KALRN: variants seen among roughly 807,000 people sequenced by gnomAD.
KALRN encodes kalirin.
KALRN carries 70 observed loss-of-function variants against 353.7 expected under a neutral mutation model. The ratio of observed to expected loss-of-function variants is 0.20; its 90% CI spans 0.16 to 0.24. KALRN has a LOEUF of 0.24. KALRN is among the 10% of genes least tolerant of loss of function. The pLI is 1.00. For missense variants in KALRN, 2,791 were observed against 3,756.7 expected (o/e 0.74, Z 6.72); for synonymous variants, 1,391 against 1,434.8 (o/e 0.97, Z 0.69).
At chr3:124,228,272 C>G (rs1175676343) in intron 2 of KALRN, among the ~76,000 whole-genome samples, 4 of 152,166 alleles carry the variant, frequency 2.6e-5, no homozygotes, top group Admixed American at 2.0e-4. Flanking sequence ...CACCCAGAAC[C>G]AAAGGGACAT....
chr3:124,691,436 A>G (rs1043065216), intron 51 of KALRN, among the ~76,000 whole-genome samples: 40 of 152,216 alleles, frequency 2.6e-4, no homozygotes, highest in African/African-American at 9.2e-4. Flanking sequence ...CTCAAAATAA[A>G]TAAATAAATT....
At chr3:124,071,000 TTTG>T (rs933838783) in intron 1 of KALRN, among the ~76,000 whole-genome samples, 51 of 152,194 alleles carry the variant, frequency 3.4e-4, no homozygotes, top group Non-Finnish European at 3.2e-4. Context: ...GTCTTTTTTT[TTTG>T]TGTGTGTGCT....
At chr3:124,635,790 G>A (rs1331795953) in intron 36 of KALRN, among the ~76,000 whole-genome samples, 1 of 151,942 alleles carries the variant, frequency 6.6e-6, no homozygotes, top group African/African-American at 2.4e-5. Context: ...TCCTAAAATT[G>A]CATGAATTTT....
intron 14 of KALRN, among the ~76,000 whole-genome samples, chr3:124,417,951 C>A (rs1388546358): frequency 2.0e-5 from 3 of 152,210 alleles, no homozygotes; most frequent in Non-Finnish European, 2.9e-5. Context: ...CATGAAGGAA[C>A]AAATTCTTTC....
chr3:124,455,251 G>A lies in KALRN; in HGVS notation c.3627G>A (p.Thr1209=), dbSNP rs745928814. The change falls in exon 22 of 60, where the codon ACG becomes ACA. Residue 1209 remains threonine, a synonymous_variant. Coordinates refer to ENST00000682506, the MANE Select transcript of KALRN (RefSeq NM_001388419.1). ...SFVEKGHIHA[T]EIRKWVTTVD... ...TGGAAAAAGGCCACATTCATGCCACGGAGATAAGGAAATGGGTGACCACGG... is the reference window on the plus strand; with the variant it reads ...TGGAAAAAGGCCACATTCATGCCACAGAGATAAGGAAATGGGTGACCACGG... The A allele has an allele frequency of 6.2e-6, 10 of 1,614,016 alleles. No individual in the cohort carries two copies. Among genetic ancestry groups the A allele is most frequent in the African/African-American group, 1.3e-5 (1 of 74,896 alleles).
At chr3:124,534,248 A>G (rs1028852528) in intron 33 of KALRN, among the ~76,000 whole-genome samples, 1 of 152,170 alleles carries the variant, frequency 6.6e-6, no homozygotes. Context: ...TAATATATGA[A>G]CTTTAGTTAA....
intron 13 of KALRN, among the ~76,000 whole-genome samples, chr3:124,405,308 TCTGGGGCTGTGGAC>T (rs1231298981): frequency 1.3e-5 from 2 of 152,126 alleles, no homozygotes; most frequent in East Asian, 3.8e-4. Context: ...ATGGGGTGGG[TCTGGGGCTGTGGAC>T]CTGAACTCAA....
chr3:124,270,705 T>C (rs961523277), intron 5 of KALRN, among the ~76,000 whole-genome samples: 11 of 152,230 alleles, frequency 7.2e-5, no homozygotes, highest in African/African-American at 2.4e-4. Flanking sequence ...ACCTCAGAAT[T>C]CCTGCATTGC....
intron 2 of KALRN, 67 bp from the exon 3 acceptor site, chr3:124,234,762 T>A (rs2079554402): frequency 1.6e-6 from 2 of 1,262,268 alleles, no homozygotes; most frequent in Admixed American, 2.0e-5. Flanking sequence ...GACAGATTTC[T>A]TTTTCCTCTG....
intron 25 of KALRN, among the ~76,000 whole-genome samples, chr3:124,464,373 A>G (rs1437604035): frequency 6.6e-6 from 1 of 152,222 alleles, no homozygotes; most frequent in Admixed American, 6.5e-5. Flanking sequence ...CAAAATAGCT[A>G]ACATAATCAT....
At chr3:124,232,932 A>G (rs144817973) in intron 2 of KALRN, among the ~76,000 whole-genome samples, 67 of 152,270 alleles carry the variant, frequency 4.4e-4, no homozygotes, top group African/African-American at 1.5e-3. Flanking sequence ...AGTGTCCATT[A>G]GTGAATGCAC....
At chr3:124,067,777 G>A (rs540371900) in intron 1 of KALRN, among the ~76,000 whole-genome samples, 70 of 152,356 alleles carry the variant, frequency 4.6e-4, no homozygotes, top group Middle Eastern at 6.8e-3. Context: ...AGGCTCTGGG[G>A]CAGCTATGCT....
At chr3:124,259,033 T>C (rs1228339677) in intron 3 of KALRN, among the ~76,000 whole-genome samples, 4 of 152,192 alleles carry the variant, frequency 2.6e-5, no homozygotes, top group Non-Finnish European at 5.9e-5. Flanking sequence ...AAATGATTTA[T>C]TAAGGGTCTG....
At position 124,033,399 on chromosome 3, in the gene KALRN, A is replaced by C. The variant is rs2149029035; in HGVS notation, c.-342A>C. 6.6e-6 allele frequency among the ~76,000 whole-genome samples: 1 copy of C among 151,660 alleles called. No homozygotes were observed. The highest frequency in any genetic ancestry group is 2.4e-5 in the African/African-American group (1 of 41,354). ...AGACAGGCAGACGGGCGAGCAGGAG[A>C]GCCAGCTGCCGCTGCTGGGGGACAG... On this transcript the variant is annotated 5_prime_UTR_variant, in exon 1 of 60. Transcript: ENST00000682506. The surrounding 1 kb of genome is among the most constrained non-coding windows in gnomAD (Gnocchi z 6.2).
chr3:124,123,164 C>T (rs2064226555), intron 1 of KALRN, among the ~76,000 whole-genome samples: 1 of 149,182 alleles, frequency 6.7e-6, no homozygotes, highest in Admixed American at 6.7e-5. Flanking sequence ...TGCGCCACTG[C>T]ACTCCAGCCT....
At chr3:124,454,616 C>T (rs1188863867) in intron 21 of KALRN, among the ~76,000 whole-genome samples, 1 of 152,116 alleles carries the variant, frequency 6.6e-6, no homozygotes, top group African/African-American at 2.4e-5. Flanking sequence ...TAGGATCAGC[C>T]CTCCGTATCT....
At chr3:124,331,773 C>T (rs2080589049) in intron 8 of KALRN, among the ~76,000 whole-genome samples, 1 of 152,038 alleles carries the variant, frequency 6.6e-6, no homozygotes, top group Non-Finnish European at 1.5e-5. Flanking sequence ...CATATAGACA[C>T]AATATTTCTC....
chr3:124,302,083 T>C (rs954705031), intron 6 of KALRN, among the ~76,000 whole-genome samples: 1 of 152,158 alleles, frequency 6.6e-6, no homozygotes, highest in Non-Finnish European at 1.5e-5. Flanking sequence ...TTCAGGGGAA[T>C]CCTAAAACCT....
intron 6 of KALRN, among the ~76,000 whole-genome samples, chr3:124,312,708 G>A (rs2078395931): frequency 1.3e-5 from 2 of 152,234 alleles, no homozygotes; most frequent in Non-Finnish European, 2.9e-5. Context: ...AACTTTTGCT[G>A]TCTGTGTCTT....
Sources: gnomAD v4.1 joint callset for allele counts (sites outside exome capture counted in the v4.1 genomes callset) on GRCh38, gnomAD v4.1.1 for gene constraint, Gnocchi (gnomAD v3.1) non-coding constraint, MANE v1.5 for transcripts, NCBI Gene and HGNC (gene_info 2026-07-23, HGNC 2026-07-21) for gene names.